Variants in SIPA1L1 observed in about 807,000 individuals in gnomAD.
SIPA1L1 encodes signal-induced proliferation-associated 1-like protein 1.
In SIPA1L1, 26 loss-of-function variants were observed where a neutral mutation model predicts 162.7. That is an observed-to-expected ratio of 0.16 (90% CI 0.12 to 0.22). The LOEUF (loss-of-function observed/expected upper bound fraction) is 0.22, where lower values mean the gene tolerates loss of function less well. Among genes scored for constraint, SIPA1L1 ranks in the 10% least tolerant of loss-of-function variants. The pLI is 1.00. For missense variants in SIPA1L1, 1,874 were observed against 2,241.0 expected, an observed-to-expected ratio of 0.84 and a Z score of 3.31; for synonymous variants, 829 against 837.4, an observed-to-expected ratio of 0.99 and a Z score of 0.17.
chr14:71,351,578 G>A (rs1202011912), intron 2 of SIPA1L1, among the ~76,000 whole-genome samples: 1 of 151,352 alleles, frequency 6.6e-6, no homozygotes, highest in Non-Finnish European at 1.5e-5. Flanking sequence ...AGAATTCAGA[G>A]TGTAAGAGTT....
chr14:71,565,971 A>G (rs1388172265), intron 4 of SIPA1L1, among the ~76,000 whole-genome samples: 3 of 152,110 alleles, frequency 2.0e-5, no homozygotes, highest in Admixed American at 1.3e-4. Flanking sequence ...AATTTAGGCC[A>G]TGTTAACTAC....
intron 2 of SIPA1L1, among the ~76,000 whole-genome samples, chr14:71,382,592 T>A (rs180871542): frequency 6.6e-6 from 1 of 152,326 alleles, no homozygotes; most frequent in African/African-American, 2.4e-5. Context: ...TCTTGACTTT[T>A]CTGTAGGAGT....
chr14:71,617,571 C>T (rs934637217), intron 5 of SIPA1L1, among the ~76,000 whole-genome samples: 2 of 152,146 alleles, frequency 1.3e-5, no homozygotes, highest in Non-Finnish European at 2.9e-5. Context: ...TGTAATTGTG[C>T]TTTAGTACCT....
chr14:71,669,271 GTA>G (rs1201235853), intron 10 of SIPA1L1, among the ~76,000 whole-genome samples: 1 of 152,140 alleles, frequency 6.6e-6, no homozygotes, highest in Non-Finnish European at 1.5e-5. Context: ...GGTTTTCAGT[GTA>G]TGTTTGTCTA....
intron 2 of SIPA1L1, among the ~76,000 whole-genome samples, chr14:71,500,782 G>C (rs369889368): frequency 9.9e-5 from 15 of 152,270 alleles, no homozygotes; most frequent in African/African-American, 3.6e-4. Context: ...CAAGGCGGGC[G>C]GGTCACCTGA....
At chr14:71,397,149 A>G (rs1316628384) in intron 2 of SIPA1L1, among the ~76,000 whole-genome samples, 2 of 152,108 alleles carry the variant, frequency 1.3e-5, no homozygotes, top group African/African-American at 4.8e-5. Context: ...AGAATAGTGT[A>G]TTTATTTTAT....
chr14:71,534,098 TAAGAA>T (rs1446899999), intron 4 of SIPA1L1, among the ~76,000 whole-genome samples: 1 of 151,514 alleles, frequency 6.6e-6, no homozygotes, highest in Non-Finnish European at 1.5e-5. Flanking sequence ...AAAATAAAAA[TAAGAA>T]AAGAGTGCTA....
chr14:71,501,481 A>G (rs550101524), intron 2 of SIPA1L1, among the ~76,000 whole-genome samples: 3 of 152,316 alleles, frequency 2.0e-5, no homozygotes, highest in South Asian at 4.1e-4. Context: ...CCATTTAAAT[A>G]AATTGCTTTT....
intron 4 of SIPA1L1, among the ~76,000 whole-genome samples, chr14:71,562,176 G>A (rs2056848519): frequency 6.6e-6 from 1 of 151,262 alleles, no homozygotes; most frequent in African/African-American, 2.4e-5. Flanking sequence ...AGACTCTTGG[G>A]GATACTATGG....
At chr14:71,528,740 G>T (rs942780593) in intron 3 of SIPA1L1, 2 of 152,138 alleles carry the variant, frequency 1.3e-5, no homozygotes, top group African/African-American at 4.8e-5. Flanking sequence ...TTGATAAAAA[G>T]GTATTTTGTT....
chr14:71,592,019 G>A (rs2147736235), intron 5 of SIPA1L1, among the ~76,000 whole-genome samples: 1 of 152,266 alleles, frequency 6.6e-6, no homozygotes, highest in East Asian at 1.9e-4. Context: ...GGTATAAACA[G>A]CTCACTCTTT....
At position 71,333,804 on chromosome 14, in the gene SIPA1L1, T is replaced by A. The variant is rs544650683; in HGVS notation, c.-465+12623T>A. ...CACTCTGTTGTGTAGGGGAATAGAA[T>A]GGGGAGGAGTGCAAAGGTGGAAATA... On this transcript the variant is annotated intron_variant, in intron 2 of 23. Coordinates refer to ENST00000381232, the MANE Select transcript of SIPA1L1 (RefSeq NM_001386936.1). 1.2e-4 allele frequency among the ~76,000 whole-genome samples: 18 copies of A among 152,206 alleles called. 2 individuals are homozygous for A. In the South Asian group the frequency reaches 3.5e-3, roughly 30 times the overall value.
chr14:71,617,965 T>C (rs1285304482), intron 5 of SIPA1L1, among the ~76,000 whole-genome samples: 3 of 152,242 alleles, frequency 2.0e-5, no homozygotes, highest in Non-Finnish European at 4.4e-5. Context: ...ACAGTAAATA[T>C]CACTTTTCAA....
intron 2 of SIPA1L1, among the ~76,000 whole-genome samples, chr14:71,430,801 A>G (rs1053504170): frequency 3.3e-5 from 5 of 151,962 alleles, no homozygotes; most frequent in African/African-American, 1.2e-4. Context: ...TCTTTTCACC[A>G]CCTGTCAAGT....
At chr14:71,497,190 A>G (rs1427612721) in intron 2 of SIPA1L1, among the ~76,000 whole-genome samples, 2 of 144,530 alleles carry the variant, frequency 1.4e-5, no homozygotes, top group African/African-American at 4.9e-5. Context: ...CAAACAAAAA[A>G]ACAAAAAAAA....
intron 13 of SIPA1L1, among the ~76,000 whole-genome samples, chr14:71,687,690 C>A (rs570101015): frequency 1.3e-5 from 2 of 152,292 alleles, no homozygotes; most frequent in African/African-American, 4.8e-5. Context: ...TGCAGAACTC[C>A]ATTTTTTCCA....
chr14:71,660,446 T>TGGG (rs2043416354), intron 9 of SIPA1L1, among the ~76,000 whole-genome samples: 1 of 152,176 alleles, frequency 6.6e-6, no homozygotes, highest in Non-Finnish European at 1.5e-5. Flanking sequence ...CAGCCAATAC[T>TGGG]AGATCACTGA....
intron 3 of SIPA1L1, among the ~76,000 whole-genome samples, chr14:71,520,190 A>G (rs571401117): frequency 6.6e-6 from 1 of 152,298 alleles, no homozygotes; most frequent in Non-Finnish European, 1.5e-5. Flanking sequence ...ATAGTTTCAG[A>G]TTACCTCCAT....
chr14:71,403,557 A>C (rs1167049501), intron 2 of SIPA1L1, among the ~76,000 whole-genome samples: 1 of 142,054 alleles, frequency 7.0e-6, no homozygotes, highest in East Asian at 2.1e-4. Context: ...CCAAGATTGC[A>C]CCACTGCACT....
Sources: allele counts gnomAD v4.1 joint callset (sites outside exome capture counted in the v4.1 genomes callset), GRCh38; gene constraint gnomAD v4.1.1; transcripts MANE v1.5; gene names NCBI Gene and HGNC (gene_info 2026-07-23, HGNC 2026-07-21).